The following GPC5 variants were observed in gnomAD, a reference collection of about 807,000 sequenced individuals.
GPC5 encodes glypican-5.
Under a neutral mutation model 53.9 loss-of-function variants are expected in GPC5, and 47 were observed. That is an observed-to-expected ratio of 0.87 (90% confidence interval 0.69 to 1.11). GPC5 has a LOEUF of 1.11. GPC5 is among the 50% of genes most tolerant of loss of function. GPC5 has a pLI of 0.00. For synonymous variants in GPC5, 286 were observed against 263.3 expected (o/e 1.09, Z -0.84); for missense variants, 748 against 713.1 (o/e 1.05, Z -0.56).
intron 2 of GPC5, among the ~76,000 whole-genome samples, chr13:91,562,331 A>G (rs1023747657): frequency 1.3e-5 from 2 of 152,142 alleles, no homozygotes; most frequent in Non-Finnish European, 2.9e-5. Context: ...ATGAAAATTC[A>G]TTCAACGATG....
At chr13:91,932,322 A>T (rs1426492311) in intron 6 of GPC5, among the ~76,000 whole-genome samples, 1 of 152,064 alleles carries the variant, frequency 6.6e-6, no homozygotes, top group Non-Finnish European at 1.5e-5. Flanking sequence ...TGATTTCTGG[A>T]TCTGCCCTAA....
intron 2 of GPC5, among the ~76,000 whole-genome samples, chr13:91,664,945 C>A (rs1049063413): frequency 6.6e-6 from 1 of 152,162 alleles, no homozygotes; most frequent in East Asian, 1.9e-4. Context: ...TCATATTATG[C>A]ATGTAGTTAA....
intron 5 of GPC5, among the ~76,000 whole-genome samples, chr13:91,874,849 A>G (rs1262150913): frequency 1.3e-5 from 2 of 152,098 alleles, no homozygotes; most frequent in Non-Finnish European, 2.9e-5. Flanking sequence ...TGGTATCCCT[A>G]CACCATATCC....
chr13:92,642,005 A>C (rs1030604808), intron 7 of GPC5, among the ~76,000 whole-genome samples: 1 of 152,184 alleles, frequency 6.6e-6, no homozygotes, highest in Non-Finnish European at 1.5e-5. Flanking sequence ...TAGCTCTTCA[A>C]AGCATGTTTA....
intron 7 of GPC5, among the ~76,000 whole-genome samples, chr13:92,761,310 G>A (rs1157297663): frequency 1.3e-5 from 2 of 152,104 alleles, no homozygotes; most frequent in East Asian, 3.9e-4. Flanking sequence ...TGGGCCTATA[G>A]GAATGCCCCT....
intron 5 of GPC5, among the ~76,000 whole-genome samples, chr13:91,779,447 G>A (rs1253402437): frequency 6.6e-6 from 1 of 151,810 alleles, no homozygotes; most frequent in Non-Finnish European, 1.5e-5. Flanking sequence ...TGCAACCTCC[G>A]CCACCCTGGC....
chr13:92,107,989 C>T (rs1038292085), intron 6 of GPC5, among the ~76,000 whole-genome samples: 2 of 152,140 alleles, frequency 1.3e-5, no homozygotes, highest in African/African-American at 4.8e-5. Flanking sequence ...CCCTCTTAAC[C>T]TATTATATAA....
At chr13:92,561,981 T>C (rs990564459) in intron 7 of GPC5, among the ~76,000 whole-genome samples, 11 of 152,094 alleles carry the variant, frequency 7.2e-5, no homozygotes, top group Non-Finnish European at 1.6e-4. Flanking sequence ...TATCTGTTTC[T>C]TTATATGACT....
chr13:92,439,314 A>G (rs1482420884), intron 7 of GPC5, among the ~76,000 whole-genome samples: 2 of 152,204 alleles, frequency 1.3e-5, no homozygotes, highest in Non-Finnish European at 2.9e-5. Context: ...GAAAAGTCCT[A>G]TAAAAGAGGA....
At chr13:92,592,459 G>A (rs1883743949) in intron 7 of GPC5, among the ~76,000 whole-genome samples, 2 of 151,160 alleles carry the variant, frequency 1.3e-5, no homozygotes, top group Non-Finnish European at 3.0e-5. Context: ...GAAATGTCTA[G>A]TCCCTGCCAG....
At chr13:91,606,414 C>A (rs987690939) in intron 2 of GPC5, among the ~76,000 whole-genome samples, 1 of 151,092 alleles carries the variant, frequency 6.6e-6, no homozygotes, top group Non-Finnish European at 1.5e-5. Context: ...GTCTAAAATT[C>A]TCTTTTATTG....
intron 7 of GPC5, among the ~76,000 whole-genome samples, chr13:92,495,228 T>G (rs913997301): frequency 6.6e-6 from 1 of 152,256 alleles, no homozygotes; most frequent in African/African-American, 2.4e-5. Context: ...TGATCTGTCT[T>G]TCCTCTCTGG....
chr13:92,148,131 T>A (rs771029737), intron 7 of GPC5, among the ~76,000 whole-genome samples: 1 of 152,104 alleles, frequency 6.6e-6, no homozygotes, highest in Non-Finnish European at 1.5e-5. Context: ...TGACTAAATT[T>A]AAAGTTATAT....
At chr13:91,555,632 C>CTTATAACTACA (rs2030902344) in intron 2 of GPC5, among the ~76,000 whole-genome samples, 1 of 151,974 alleles carries the variant, frequency 6.6e-6, no homozygotes. Context: ...CTGTATTAGT[C>CTTATAACTACA]TGTACTCATG....
intron 6 of GPC5, among the ~76,000 whole-genome samples, chr13:92,094,165 A>AT (rs1260863867): frequency 2.0e-5 from 3 of 152,152 alleles, no homozygotes; most frequent in African/African-American, 7.2e-5. Flanking sequence ...TAGCTGTTTG[A>AT]TTTTTAGGAC....
chr13:92,527,181 A>G (rs113492283), intron 7 of GPC5, among the ~76,000 whole-genome samples: 17 of 78,164 alleles, frequency 2.2e-4, no homozygotes, highest in Middle Eastern at 5.8e-3. Context: ...AGAGAAAGAA[A>G]GAAGAAAGAA....
intron 7 of GPC5, among the ~76,000 whole-genome samples, chr13:92,442,161 G>A (rs1877601006): frequency 6.6e-6 from 1 of 152,140 alleles, no homozygotes; most frequent in East Asian, 1.9e-4. Context: ...GAATCAAAAT[G>A]AATATATTTG....
intron 7 of GPC5, among the ~76,000 whole-genome samples, chr13:92,294,045 C>T (rs1263089056): frequency 6.6e-6 from 1 of 152,130 alleles, no homozygotes; most frequent in Non-Finnish European, 1.5e-5. Context: ...ATGAAACCTA[C>T]TTGATCATGT....
intron 5 of GPC5, among the ~76,000 whole-genome samples, chr13:91,850,569 G>A (rs978909640): frequency 2.6e-5 from 4 of 152,054 alleles, no homozygotes; most frequent in African/African-American, 9.7e-5. Context: ...CAAACTTTTA[G>A]GGATGTCTCT....
Sources: gnomAD v4.1 joint callset for allele counts (sites outside exome capture counted in the v4.1 genomes callset) on GRCh38, gnomAD v4.1.1 for gene constraint, MANE v1.5 for transcripts, NCBI Gene and HGNC (gene_info 2026-07-23, HGNC 2026-07-21) for gene names.